Variants in EPB41L4A observed in about 807,000 individuals in gnomAD.
The protein encoded by EPB41L4A is erythrocyte membrane protein band 4.1 like 4A, also known as band 4.1-like protein 4A.
In EPB41L4A, 100 loss-of-function variants were observed where a neutral mutation model predicts 108.6. The ratio of observed to expected loss-of-function variants is 0.92; its 90% CI spans 0.78 to 1.09. The LOEUF (loss-of-function observed/expected upper bound fraction) is 1.09, where lower values mean the gene tolerates loss of function less well. Ranked by LOEUF, EPB41L4A falls within the 50% of genes least tolerant of loss-of-function variation. EPB41L4A has a pLI of 0.00. For synonymous variants in EPB41L4A, 319 were observed against 289.0 expected, an observed-to-expected ratio of 1.10 and a Z score of -1.05; for missense variants, 1,030 against 842.7, an observed-to-expected ratio of 1.22 and a Z score of -2.75.
rs75560316 is a variant in EPB41L4A at position 112,296,059 on chromosome 5, G to T, written c.204+11327C>A. 5.9e-3 allele frequency among the ~76,000 whole-genome samples: 903 copies of T among 152,210 alleles called. 7 individuals are homozygous for T. The highest frequency in any genetic ancestry group is 0.021 in the African/African-American group (857 of 41,538). ...GAAAGCAAGTTGGTTTGGCTAAGTGGCTTAATAATGACTGGCTTTGTCCAA... is the reference window on the plus strand; with the variant it reads ...GAAAGCAAGTTGGTTTGGCTAAGTGTCTTAATAATGACTGGCTTTGTCCAA... On this transcript the variant is annotated intron_variant, in intron 2 of 22. Transcript: ENST00000261486.
At chr5:112,321,220 G>A (rs1005894131) in intron 1 of EPB41L4A, among the ~76,000 whole-genome samples, 1 of 152,190 alleles carries the variant, frequency 6.6e-6, no homozygotes, top group Non-Finnish European at 1.5e-5. Flanking sequence ...ATCAGGACTG[G>A]AAGACCAATG....
chr5:112,292,466 T>C (rs1055082653), intron 2 of EPB41L4A, among the ~76,000 whole-genome samples: 4 of 152,118 alleles, frequency 2.6e-5, no homozygotes, highest in South Asian at 2.1e-4. Flanking sequence ...TCAAAACTCA[T>C]AGTCCAGAAG....
At chr5:112,381,729 T>C (rs948835887) in intron 1 of EPB41L4A, among the ~76,000 whole-genome samples, 17 of 152,238 alleles carry the variant, frequency 1.1e-4, no homozygotes, top group African/African-American at 4.1e-4. Context: ...ACACACGTCA[T>C]CATGGCCACT....
intron 2 of EPB41L4A, among the ~76,000 whole-genome samples, chr5:112,299,894 C>T (rs1016236829): frequency 4.6e-5 from 7 of 152,166 alleles, no homozygotes; most frequent in South Asian, 2.1e-4. Context: ...TGCACAAGGG[C>T]TTTTATCATT....
intron 2 of EPB41L4A, among the ~76,000 whole-genome samples, chr5:112,285,340 A>G (rs1296437074): frequency 1.3e-5 from 2 of 152,202 alleles, no homozygotes; most frequent in Non-Finnish European, 2.9e-5. Context: ...AAAGATCTCA[A>G]AAGTGATATA....
Position 112,289,429 on chromosome 5 carries a change from T to C in EPB41L4A, c.205-9106A>G, listed in dbSNP as rs531330503. 8.5e-5 allele frequency among the ~76,000 whole-genome samples: 13 copies of C among 152,204 alleles called. 1 individual carries two copies. Among genetic ancestry groups the C allele is most frequent in the Middle Eastern group, 3.4e-3 (1 of 294 alleles). ...AGGAAAAACTTTGAGAGGTGCAAACTTGAGGGAATTTGAGTGGCAGGGGGT... is the reference window on the plus strand; with the variant it reads ...AGGAAAAACTTTGAGAGGTGCAAACCTGAGGGAATTTGAGTGGCAGGGGGT... On this transcript the variant is annotated intron_variant, in intron 2 of 22. Coordinates refer to ENST00000261486, the MANE Select transcript of EPB41L4A (RefSeq NM_022140.5).
intron 1 of EPB41L4A, among the ~76,000 whole-genome samples, chr5:112,395,329 T>A (rs191974187): frequency 0.011 from 1,724 of 152,018 alleles, 25 homozygotes; most frequent in South Asian, 0.038. Flanking sequence ...TGGGAGAAAA[T>A]TTTTGCAATC....
rs368833540 is a variant in EPB41L4A, at chr5:112,184,136, C to A, written c.1503-1G>T. 1.4e-5 allele frequency: 23 copies of A among 1,613,706 alleles called. No individual in the cohort carries two copies. Among genetic ancestry groups the A allele is most frequent in the African/African-American group, 1.3e-5 (1 of 74,890 alleles). On this transcript the variant is annotated splice_acceptor_variant, in intron 17 of 22. Coordinates refer to ENST00000261486, the MANE Select transcript of EPB41L4A (RefSeq NM_022140.5). LOFTEE classifies it high-confidence loss of function. ...AACCATATCATTCTCCTGCCGTATT[C>A]TGAAAGGAAAGCCATGCATCTGAAG...
chr5:112,277,546 T>G (rs1230561125), intron 3 of EPB41L4A, among the ~76,000 whole-genome samples: 1 of 152,096 alleles, frequency 6.6e-6, no homozygotes, highest in Admixed American at 6.6e-5. Context: ...CAACAAAAAC[T>G]TGGGAACATA....
intron 4 of EPB41L4A, among the ~76,000 whole-genome samples, chr5:112,269,727 A>C (rs1263035161): frequency 2.0e-5 from 3 of 152,242 alleles, no homozygotes; most frequent in Non-Finnish European, 4.4e-5. Context: ...CTCTAGTTAC[A>C]TTGTACCATA....
rs1760076596 is a variant in EPB41L4A at position 112,164,014 on chromosome 5, T to C, written c.*976A>G. The C allele has an allele frequency of 1.3e-5, 2 of 152,154 alleles. No individual in the cohort carries two copies. Among genetic ancestry groups the C allele is most frequent in the African/African-American group, 4.8e-5 (2 of 41,404 alleles). 9.4% of individuals were successfully genotyped at this position (152,154 alleles called of 1,614,324 possible). A position where few individuals can be genotyped will look rare whatever the true frequency, so the allele number is the denominator to read the frequency against. ...AGTATTTTCCCTGTAGATTGCAAAGTCATCTATGGAGAGGAAAGGTACAAA... is the reference window on the plus strand; with the variant it reads ...AGTATTTTCCCTGTAGATTGCAAAGCCATCTATGGAGAGGAAAGGTACAAA... On this transcript the variant is annotated 3_prime_UTR_variant, in exon 23 of 23. Coordinates refer to ENST00000261486, the MANE Select transcript of EPB41L4A (RefSeq NM_022140.5).
At chr5:112,258,349 T>C (rs1233623600) in intron 9 of EPB41L4A, among the ~76,000 whole-genome samples, 1 of 152,226 alleles carries the variant, frequency 6.6e-6, no homozygotes, top group Non-Finnish European at 1.5e-5. Flanking sequence ...TGTCTCAGTG[T>C]GTGCATGCAT....
At chr5:112,186,586 C>T (rs763833411) in intron 17 of EPB41L4A, among the ~76,000 whole-genome samples, 8 of 152,154 alleles carry the variant, frequency 5.3e-5, no homozygotes, top group Non-Finnish European at 7.4e-5. Flanking sequence ...AAGACAGATG[C>T]CCTCTACTGG....
At chr5:112,208,698 T>C (rs1195110328) in intron 13 of EPB41L4A, among the ~76,000 whole-genome samples, 1 of 152,180 alleles carries the variant, frequency 6.6e-6, no homozygotes, top group South Asian at 2.1e-4. Context: ...ACAAACCTAC[T>C]GGCACACGTA....
At chr5:112,231,902 G>A (rs533191456) in intron 12 of EPB41L4A, among the ~76,000 whole-genome samples, 44 of 151,240 alleles carry the variant, frequency 2.9e-4, no homozygotes, top group African/African-American at 1.0e-3. Context: ...GAGGCTGGGA[G>A]TCTGAGACCA....
chr5:112,157,284 GATTA>G (rs1296205160), intron 12 of EPB41L4A, among the ~76,000 whole-genome samples: 5 of 152,218 alleles, frequency 3.3e-5, no homozygotes, highest in African/African-American at 7.2e-5. Flanking sequence ...GCTTTATATG[GATTA>G]ATTATTTTAA....
At chr5:112,232,945 G>A (rs2150362853) in intron 12 of EPB41L4A, among the ~76,000 whole-genome samples, 1 of 152,234 alleles carries the variant, frequency 6.6e-6, no homozygotes, top group South Asian at 2.1e-4. Context: ...ACTAACGTCA[G>A]CAATATTACT....
At chr5:112,304,066 G>A (rs1283000747) in intron 2 of EPB41L4A, among the ~76,000 whole-genome samples, 1 of 152,074 alleles carries the variant, frequency 6.6e-6, no homozygotes, top group Non-Finnish European at 1.5e-5. Flanking sequence ...GGGTGGGGTG[G>A]TCAAGAAAGT....
chr5:112,410,398 C>T (rs1762339210), intron 1 of EPB41L4A, among the ~76,000 whole-genome samples: 1 of 152,190 alleles, frequency 6.6e-6, no homozygotes, highest in Non-Finnish European at 1.5e-5. Flanking sequence ...ATGCTGGAAG[C>T]AGGGGCCTTG....
Sources: allele counts gnomAD v4.1 joint callset (sites outside exome capture counted in the v4.1 genomes callset), GRCh38; gene constraint gnomAD v4.1.1; transcripts MANE v1.5; gene names NCBI Gene and HGNC (gene_info 2026-07-23, HGNC 2026-07-21).